ZFYVE28: variants seen among roughly 807,000 people sequenced by gnomAD.
ZFYVE28 encodes zinc finger FYVE-type containing 28.
ZFYVE28 carries 40 observed loss-of-function variants against 82.1 expected under a neutral mutation model. That is an observed-to-expected ratio of 0.49 (90% CI 0.38 to 0.63). The LOEUF (loss-of-function observed/expected upper bound fraction) is 0.63, where lower values mean the gene tolerates loss of function less well. Ranked by LOEUF, ZFYVE28 falls within the 30% of genes least tolerant of loss-of-function variation. The probability of loss-of-function intolerance (pLI) is 0.00; values close to 1 mark genes in which losing one functional copy is unlikely to be tolerated. For missense variants in ZFYVE28, 1,321 were observed against 1,242.1 expected (o/e 1.06, Z -0.96); for synonymous variants, 612 against 546.1 (o/e 1.12, Z -1.68).
At chr4:2,280,141 C>T (rs1711765140) in intron 8 of ZFYVE28, among the ~76,000 whole-genome samples, 1 of 152,134 alleles carries the variant, frequency 6.6e-6, no homozygotes, top group African/African-American at 2.4e-5. Context: ...GGTCATATCC[C>T]TATGGTGAAA....
intron 1 of ZFYVE28, among the ~76,000 whole-genome samples, chr4:2,360,426 C>G (rs558788754): frequency 4.6e-5 from 7 of 151,132 alleles, no homozygotes; most frequent in South Asian, 2.1e-4. Context: ...CACACACACA[C>G]AGGCACGCAC....
In ZFYVE28 at chr4:2,418,319, A is replaced by C; in HGVS notation, c.5T>G (p.Met2Arg). 1 of 1,525,794 alleles carries C rather than the reference A, an allele frequency of 6.6e-7. No individual in the cohort carries two copies. Among genetic ancestry groups the C allele is most frequent in the Non-Finnish European group, 8.8e-7 (1 of 1,135,102 alleles). 94.5% of individuals were successfully genotyped at this position (1,525,794 alleles called of 1,614,324 possible). The change falls in exon 1 of 13, where the codon ATG becomes AGG. Residue 2 changes from methionine to arginine, a missense_variant. Around this residue, in one of 2 missense-constraint regions of ZFYVE28, gnomAD observed 343 missense variants for 408.4 expected, o/e 0.84. Transcript: ENST00000290974. This position sits in a 1 kb window ranked among gnomAD's most constrained non-coding sequence, Gnocchi z 4.6. M[M>R]NRFRKWLYKP... ...GTAGAGCCACTTTCGGAACCTGTTC[A>C]TCATCGCCGCGCCGGCCCTGGCCGG...
chr4:2,325,032 T>G (rs1480546536), intron 6 of ZFYVE28: 3 of 154,904 alleles, frequency 1.9e-5, no homozygotes, highest in Middle Eastern at 3.1e-3. Flanking sequence ...ATAACTAGAA[T>G]GCAAATTGTA....
rs534478803 is a variant in ZFYVE28, at chr4:2,274,398, G to A, written c.2052-182C>T. Among the ~76,000 whole-genome samples, 5 of 152,236 alleles carry A rather than the reference G, an allele frequency of 3.3e-5. No homozygotes were observed. In the South Asian group the frequency reaches 1.0e-3, roughly 32 times the overall value. On this transcript the variant is annotated intron_variant, in intron 8 of 12. Transcript: ENST00000290974. ...ACCTAAAATGTCCTCAGTGTAACAT[G>A]CTCACCACATATACCAGGTGGTACA...
intron 7 of ZFYVE28, among the ~76,000 whole-genome samples, chr4:2,307,819 A>T (rs1047219691): frequency 2.0e-5 from 3 of 152,122 alleles, no homozygotes; most frequent in African/African-American, 7.2e-5. Flanking sequence ...TTATATTTAT[A>T]TCTACACTCT....
In ZFYVE28 at chr4:2,300,864, C is replaced by T. The variant is rs534112509; in HGVS notation, c.2051+3425G>A. 1.5e-3 allele frequency among the ~76,000 whole-genome samples: 224 copies of T among 152,312 alleles called. No homozygotes were observed. The highest frequency in any genetic ancestry group is 5.4e-3 in the Admixed American group (83 of 15,300). Reference sequence around the variant, plus strand: ...CCACAGGGGCTGCAGGGGCGTCTGCCGGGCGAGCGGGTCTCACGGCCAAAC... The same window carrying T: ...CCACAGGGGCTGCAGGGGCGTCTGCTGGGCGAGCGGGTCTCACGGCCAAAC... On this transcript the variant is annotated intron_variant, in intron 8 of 12. Coordinates refer to ENST00000290974, the MANE Select transcript of ZFYVE28 (RefSeq NM_020972.3). The surrounding 1 kb of genome is among the most constrained non-coding windows in gnomAD (Gnocchi z 4.6).
At chr4:2,346,162 AC>A (rs1273841532) in intron 2 of ZFYVE28, among the ~76,000 whole-genome samples, 1 of 60,334 alleles carries the variant, frequency 1.7e-5, no homozygotes, top group Admixed American at 2.1e-4. Flanking sequence ...CCCCGTCTCT[AC>A]TAAAAAAAAA....
intron 6 of ZFYVE28, among the ~76,000 whole-genome samples, chr4:2,334,727 G>A (rs1386916883): frequency 5.6e-5 from 7 of 125,416 alleles, no homozygotes; most frequent in East Asian, 2.3e-4. Flanking sequence ...GCTGGCCGCT[G>A]CCCACTGGAC....
chr4:2,361,609 C>T (rs1726167181), intron 1 of ZFYVE28, among the ~76,000 whole-genome samples: 1 of 152,176 alleles, frequency 6.6e-6, no homozygotes, highest in South Asian at 2.1e-4. Context: ...CACGGAAGCA[C>T]AGCCCATCAC....
chr4:2,339,644 G>A lies in ZFYVE28; in HGVS notation c.330C>T (p.Ala110=), dbSNP rs766424874. Residue 110 remains alanine (A), a synonymous_variant, in exon 4 of 13, where the codon GCC becomes GCT. Transcript: ENST00000290974. The surrounding 1 kb of genome is among the most constrained non-coding windows in gnomAD (Gnocchi z 5.0). ...GCTCCCGGTTCATGATGATGGAGCC[G>A]GCGGCCAGGCACTGCGGGAGGGGAC... ...QLWFGAECLA[A]GSIIMNRELE... The A allele has an allele frequency of 3.0e-5, 48 of 1,600,406 alleles. No homozygotes were observed. The South Asian group carries it at 3.5e-4, about 12-fold the overall frequency.
Position 2,362,255 on chromosome 4 carries a change from C to T in ZFYVE28, c.40-8182G>A, listed in dbSNP as rs1346894334. On this transcript the variant is annotated intron_variant, in intron 1 of 12. Coordinates refer to ENST00000290974, the MANE Select transcript of ZFYVE28 (RefSeq NM_020972.3). This position sits in a 1 kb window ranked among gnomAD's most constrained non-coding sequence, Gnocchi z 5.1. The stretch of plus-strand genomic sequence containing the variant: ...TGAGGACCAGGTGTCTGAGGCACCG[C>T]CTGGGCCTCTCCAGGGCCAGCTTTC... Among the ~76,000 whole-genome samples, 1 of 152,100 alleles carries T rather than the reference C, an allele frequency of 6.6e-6. No homozygotes were observed. Among genetic ancestry groups the T allele is most frequent in the Non-Finnish European group, 1.5e-5 (1 of 68,004 alleles).
At chr4:2,279,711 G>A (rs1711686105) in intron 8 of ZFYVE28, among the ~76,000 whole-genome samples, 1 of 151,798 alleles carries the variant, frequency 6.6e-6, no homozygotes, top group Non-Finnish European at 1.5e-5. Flanking sequence ...AACCCGGGAG[G>A]CGGAGCTTGC....
At chr4:2,282,231 G>A (rs1299500410) in intron 8 of ZFYVE28, among the ~76,000 whole-genome samples, 2 of 152,214 alleles carry the variant, frequency 1.3e-5, no homozygotes, top group Admixed American at 6.5e-5. Context: ...CTTACAGAAG[G>A]CAGCAAAAAC....
chr4:2,330,929 A>T, intron 6 of ZFYVE28: 1 of 1,534,666 alleles, frequency 6.5e-7, no homozygotes, highest in Non-Finnish European at 8.7e-7. Context: ...GGCAGAGATG[A>T]CACCTTGTTT....
In ZFYVE28 at chr4:2,362,297, T is replaced by A. The variant is rs2108894310; in HGVS notation, c.40-8224A>T. ...CCAGCTTTCCATTAAAGCCTGGGAC[T>A]TCTCGCTCCAGCACCAGGAATCCAA... On this transcript the variant is annotated intron_variant, in intron 1 of 12. Transcript: ENST00000290974. This position sits in a 1 kb window ranked among gnomAD's most constrained non-coding sequence, Gnocchi z 5.1. Among the ~76,000 whole-genome samples the A allele has an allele frequency of 6.6e-6, 1 of 152,230 alleles. No homozygotes were observed. Among genetic ancestry groups the A allele is most frequent in the East Asian group, 1.9e-4 (1 of 5,176 alleles).
At chr4:2,351,512 G>A (rs147097888) in intron 2 of ZFYVE28, among the ~76,000 whole-genome samples, 3 of 152,280 alleles carry the variant, frequency 2.0e-5, no homozygotes, top group African/African-American at 7.2e-5. Flanking sequence ...TCAGGAGTTT[G>A]AGACCAGCCT....
chr4:2,418,427 C>G lies in ZFYVE28; in HGVS notation c.-104G>C. 1 of 956,132 alleles carries G rather than the reference C, an allele frequency of 1.0e-6. No homozygotes were observed. Among genetic ancestry groups the G allele is most frequent in the Non-Finnish European group, 1.3e-6 (1 of 778,954 alleles). 59.2% of individuals were successfully genotyped at this position (956,132 alleles called of 1,614,324 possible). The stretch of plus-strand genomic sequence containing the variant: ...GCGGACGCGGAGGCACGGCCGGAGC[C>G]CCCGCGCTGTCGCAGGGAGGCTGGC... On this transcript the variant is annotated 5_prime_UTR_variant, in exon 1 of 13. Transcript: ENST00000290974. The surrounding 1 kb of genome is among the most constrained non-coding windows in gnomAD (Gnocchi z 4.6).
intron 1 of ZFYVE28, among the ~76,000 whole-genome samples, chr4:2,400,544 G>GA (rs1731064142): frequency 6.6e-6 from 1 of 152,062 alleles, no homozygotes; most frequent in Non-Finnish European, 1.5e-5. Context: ...TCTAGAGGGA[G>GA]AACTAATAGG....
At position 2,311,144 on chromosome 4, in the gene ZFYVE28, T is replaced by A. The variant is rs544273189; in HGVS notation, c.804-5608A>T. Among the ~76,000 whole-genome samples, 15 of 152,346 alleles carry A rather than the reference T, an allele frequency of 9.8e-5. No homozygotes were observed. In the East Asian group the frequency reaches 2.3e-3, roughly 24 times the overall value. On this transcript the variant is annotated intron_variant, in intron 7 of 12. Transcript: ENST00000290974. ...GGTCTGTGGTGATGTCTCCTTTCCATCTATATTATTAGTAATTTATGTTTT... is the reference window on the plus strand; with the variant it reads ...GGTCTGTGGTGATGTCTCCTTTCCAACTATATTATTAGTAATTTATGTTTT...
Sources: gnomAD v4.1 joint callset for allele counts (sites outside exome capture counted in the v4.1 genomes callset) on GRCh38, gnomAD v4.1.1 for gene constraint, gnomAD v4.1.1 regional missense constraint, Gnocchi (gnomAD v3.1) non-coding constraint, MANE v1.5 for transcripts, NCBI Gene and HGNC (gene_info 2026-07-23, HGNC 2026-07-21) for gene names.